The following SUGP2 variants were observed in gnomAD, a reference collection of about 807,000 sequenced individuals.
SUGP2 encodes SURP and G-patch domain containing 2, also known as SURP and G-patch domain-containing protein 2.
In SUGP2, 24 loss-of-function variants were observed where a neutral mutation model predicts 90.5. That is an observed-to-expected ratio of 0.27 (90% CI 0.19 to 0.37). SUGP2 has a LOEUF of 0.37. Ranked by LOEUF, SUGP2 falls within the 10% of genes least tolerant of loss-of-function variation. SUGP2 has a pLI of 1.00. For missense variants in SUGP2, 1,233 were observed against 1,363.3 expected (o/e 0.90, Z 1.51); for synonymous variants, 473 against 513.4 (o/e 0.92, Z 1.06).
chr19:19,006,988 G>A (rs926310361), intron 6 of SUGP2, among the ~76,000 whole-genome samples: 2 of 152,248 alleles, frequency 1.3e-5, no homozygotes, highest in African/African-American at 4.8e-5. Flanking sequence ...TTAACTGGAT[G>A]AAGGCATGAC....
Position 19,010,137 on chromosome 19 carries a change from G to C in SUGP2, c.2056C>G (p.Gln686Glu), listed in dbSNP as rs1409672772. 6.2e-7 allele frequency: 1 copy of C among 1,612,452 alleles called. No individual in the cohort carries two copies. The highest frequency in any genetic ancestry group is 1.7e-5 in the Admixed American group (1 of 59,996). ...PWQRRGLLRA[Q>E]GLRGWKARRA... ...CTCGCCTTCCAGCCCCGGAGCCCTT[G>C]AGCACGGAGGAGCCCCCGCCGCTGC... Residue 686 changes from glutamine (Q) to glutamate (E), a missense_variant, in exon 5 of 11, where the codon CAA becomes GAA. Coordinates refer to ENST00000452918, the MANE Select transcript of SUGP2 (RefSeq NM_001017392.5).
intron 6 of SUGP2, among the ~76,000 whole-genome samples, chr19:19,008,018 C>T (rs2058154774): frequency 6.6e-6 from 1 of 152,078 alleles, no homozygotes; most frequent in Non-Finnish European, 1.5e-5. Flanking sequence ...ATCTTTCTCC[C>T]TTAGGCCCCT....
chr19:18,994,646 AAGG>A, intron 9 of SUGP2, 160 bp from the exon 10 acceptor site: 1 of 1,028,424 alleles, frequency 9.7e-7, no homozygotes, highest in Non-Finnish European at 1.4e-6. Flanking sequence ...CAGTAGAAAC[AAGG>A]AGTACTCACC....
intron 4 of SUGP2, among the ~76,000 whole-genome samples, chr19:19,017,433 T>C (rs955250139): frequency 2.0e-5 from 3 of 152,166 alleles, no homozygotes; most frequent in South Asian, 2.1e-4. Flanking sequence ...CAGCCTGCAA[T>C]GTCCAGGACA....
At chr19:19,029,244 C>A (rs1475230458) in intron 2 of SUGP2, among the ~76,000 whole-genome samples, 5 of 149,896 alleles carry the variant, frequency 3.3e-5, no homozygotes, top group African/African-American at 2.5e-5. Context: ...TGGGTTCACG[C>A]CATTCTCCTG....
intron 3 of SUGP2, among the ~76,000 whole-genome samples, chr19:19,023,054 T>C (rs754872794): frequency 6.6e-6 from 1 of 152,166 alleles, no homozygotes; most frequent in African/African-American, 2.4e-5. Flanking sequence ...ACCAAACAGC[T>C]CATCACTTCT....
intron 4 of SUGP2, among the ~76,000 whole-genome samples, chr19:19,013,978 G>A (rs2058399381): frequency 6.6e-6 from 1 of 152,196 alleles, no homozygotes; most frequent in Non-Finnish European, 1.5e-5. Context: ...GGATGTGTCT[G>A]TCTATACTTC....
At chr19:18,998,724 G>A (rs1265701864) in intron 8 of SUGP2, among the ~76,000 whole-genome samples, 1 of 152,138 alleles carries the variant, frequency 6.6e-6, no homozygotes, top group African/African-American at 2.4e-5. Flanking sequence ...GTGAGGCGGT[G>A]TGGGCAGAAG....
intron 5 of SUGP2, among the ~76,000 whole-genome samples, chr19:19,008,920 G>T (rs1039367647): frequency 3.3e-5 from 5 of 151,114 alleles, no homozygotes; most frequent in African/African-American, 4.9e-5. Context: ...GGTTTGTTTG[G>T]TTTTTTTTTG....
Position 19,004,264 on chromosome 19 carries a change from C to G in SUGP2, c.2833G>C (p.Gly945Arg). Residue 945 changes from glycine to arginine, a missense_variant, in exon 7 of 11, where the codon GGT becomes CGT. Gly to Arg is a moderately radical substitution (Grantham distance 125, BLOSUM62 -2). Around this residue, in one of 8 missense-constraint regions of SUGP2, gnomAD observed 105 missense variants for 155.2 expected, o/e 0.68. Coordinates refer to ENST00000452918, the MANE Select transcript of SUGP2 (RefSeq NM_001017392.5). ...GAPALSQASSGTCFPRKRISS... is the reference protein window; with the variant it reads ...GAPALSQASSRTCFPRKRISS... ...ATCCTCTTCCGAGGGAAGCAGGTAC[C>G]TGAGGAGGCCTGTGACAAGGCAGGT... 3.7e-6 allele frequency: 6 copies of G among 1,613,558 alleles called. No individual in the cohort carries two copies. The highest frequency in any genetic ancestry group is 5.1e-6 in the Non-Finnish European group (6 of 1,179,600).
chr19:19,020,254 T>C (rs1158076024), intron 3 of SUGP2, among the ~76,000 whole-genome samples: 1 of 150,638 alleles, frequency 6.6e-6, no homozygotes, highest in African/African-American at 2.4e-5. Context: ...ACGATGAAAC[T>C]CCATTTCTAC....
chr19:19,033,299 G>A (rs2059263487), intron 1 of SUGP2, 138 bp downstream of exon 1: 1 of 1,004,768 alleles, frequency 1.0e-6, no homozygotes, highest in Non-Finnish European at 1.2e-6. Flanking sequence ...GGCCAACCCG[G>A]CGGGGACGCG....
chr19:18,999,455 C>G (rs1297113689), intron 8 of SUGP2, among the ~76,000 whole-genome samples: 3 of 152,202 alleles, frequency 2.0e-5, no homozygotes, highest in Non-Finnish European at 4.4e-5. Flanking sequence ...TACAAAACTA[C>G]TCGGTGGCAG....
In SUGP2 at chr19:19,004,251, G is replaced by C; in HGVS notation, c.2846C>G (p.Pro949Arg). 6.2e-7 allele frequency: 1 copy of C among 1,612,764 alleles called. No individual in the cohort carries two copies. Among genetic ancestry groups the C allele is most frequent in the South Asian group, 1.1e-5 (1 of 90,968 alleles). ...LSQASSGTCF[P>R]RKRISSKSLK... ...TGACTTGCTGCTGATCCTCTTCCGA[G>C]GGAAGCAGGTACCTGAGGAGGCCTG... Residue 949 changes from proline (P) to arginine (R), a missense_variant, in exon 7 of 11, where the codon CCT becomes CGT. This residue lies in a region of SUGP2 where 105 missense variants were observed against 155.2 expected (regional missense o/e 0.68). Transcript: ENST00000452918.
At chr19:19,013,198 T>C (rs1447678601) in intron 4 of SUGP2, among the ~76,000 whole-genome samples, 7 of 152,214 alleles carry the variant, frequency 4.6e-5, no homozygotes, top group Non-Finnish European at 7.3e-5. Context: ...AGGTTGTTTA[T>C]TTACATGGCT....
At chr19:18,997,773 A>C (rs1159640536) in intron 8 of SUGP2, among the ~76,000 whole-genome samples, 1 of 126,090 alleles carries the variant, frequency 7.9e-6, no homozygotes. Flanking sequence ...ACAAAGGGAG[A>C]CTCCGTCTCA....
At chr19:19,023,348 T>C (rs2058800323) in intron 3 of SUGP2, among the ~76,000 whole-genome samples, 1 of 152,078 alleles carries the variant, frequency 6.6e-6, no homozygotes, top group Admixed American at 6.6e-5. Flanking sequence ...AGAGACAGGG[T>C]GATTCTAGCC....
chr19:19,028,673 T>C (rs2059024672), intron 2 of SUGP2, among the ~76,000 whole-genome samples: 1 of 152,136 alleles, frequency 6.6e-6, no homozygotes, highest in African/African-American at 2.4e-5. Context: ...GCTAGGTTTC[T>C]AGTCCTCTCC....
intron 2 of SUGP2, among the ~76,000 whole-genome samples, chr19:19,028,447 C>T (rs2059017646): frequency 6.6e-6 from 1 of 152,098 alleles, no homozygotes; most frequent in African/African-American, 2.4e-5. Context: ...TGCAAGAAAT[C>T]CACTGTGATA....
Sources: gnomAD v4.1 joint callset for allele counts (sites outside exome capture counted in the v4.1 genomes callset) on GRCh38, gnomAD v4.1.1 for gene constraint, gnomAD v4.1.1 regional missense constraint, MANE v1.5 for transcripts, NCBI Gene and HGNC (gene_info 2026-07-23, HGNC 2026-07-21) for gene names.